Variants in KCNIP1 observed in about 807,000 individuals in gnomAD.
KCNIP1 encodes the protein A-type potassium channel modulatory protein KCNIP1.
In KCNIP1, 18 loss-of-function variants were observed where a neutral mutation model predicts 33.0. The observed-to-expected ratio is 0.55, with a 90% CI of 0.38 to 0.81. KCNIP1 has a LOEUF of 0.81. Among genes scored for constraint, KCNIP1 ranks in the 30% least tolerant of loss-of-function variants. The probability of loss-of-function intolerance (pLI) is 0.00; values close to 1 mark genes in which losing one functional copy is unlikely to be tolerated. For missense variants in KCNIP1, 238 were observed against 271.6 expected, an observed-to-expected ratio of 0.88 and a Z score of 0.87; for synonymous variants, 93 against 98.3, an observed-to-expected ratio of 0.95 and a Z score of 0.32.
chr5:170,725,722 T>C (rs914413336), intron 5 of KCNIP1, among the ~76,000 whole-genome samples: 1 of 152,216 alleles, frequency 6.6e-6, no homozygotes, highest in African/African-American at 2.4e-5. Context: ...CCATTTTTCA[T>C]GATGTGGTTA....
intron 1 of KCNIP1, among the ~76,000 whole-genome samples, chr5:170,609,999 G>A (rs372798165): frequency 7.9e-5 from 12 of 152,282 alleles, no homozygotes; most frequent in East Asian, 5.8e-4. Flanking sequence ...TGCTGGGGTG[G>A]GTCCTAATTT....
At chr5:170,503,219 G>A (rs141246748), upstream of KCNIP1, among the ~76,000 whole-genome samples, 614 of 151,936 alleles carry the variant, frequency 4.0e-3, 9 homozygotes, top group South Asian at 0.047. Context: ...GCGAAACCCC[G>A]TCTCTATTAA....
intron 1 of KCNIP1, among the ~76,000 whole-genome samples, chr5:170,653,632 C>G (rs768035369): frequency 6.6e-6 from 1 of 152,034 alleles, no homozygotes; most frequent in Non-Finnish European, 1.5e-5. Context: ...GAGGGCCTCA[C>G]GTGGAACCAG....
chr5:170,383,443 G>A, intron 1 of KCNIP1: 1 of 612,160 alleles, frequency 1.6e-6, no homozygotes. Context: ...TGGAAACTGA[G>A]GAGGTGAGAG....
At chr5:170,721,951 C>T (rs1435872382) in intron 4 of KCNIP1, 48 bp downstream of exon 4, 3 of 1,603,788 alleles carry the variant, frequency 1.9e-6, no homozygotes, top group African/African-American at 1.3e-5. Flanking sequence ...TTCTGCATCA[C>T]CTCCCCCTCT....
At chr5:170,366,849 A>G (rs977172108) in intron 1 of KCNIP1, among the ~76,000 whole-genome samples, 31 of 152,202 alleles carry the variant, frequency 2.0e-4, no homozygotes, top group African/African-American at 7.2e-4. Context: ...AGCCCAAGCA[A>G]GACCCCTCGC....
chr5:170,357,775 C>T (rs1763386995), intron 1 of KCNIP1, among the ~76,000 whole-genome samples: 1 of 152,196 alleles, frequency 6.6e-6, no homozygotes, highest in African/African-American at 2.4e-5. Flanking sequence ...GACCCTCCTG[C>T]CTTGGGCTCC....
chr5:170,725,430 A>G (rs1163780456), intron 5 of KCNIP1, among the ~76,000 whole-genome samples: 1 of 152,170 alleles, frequency 6.6e-6, no homozygotes, highest in South Asian at 2.1e-4. Flanking sequence ...CAGAAAGACA[A>G]ACATCCCATG....
At chr5:170,481,393 CCTGCTGCTG>C (rs145931479) in intron 1 of KCNIP1, among the ~76,000 whole-genome samples, 3 of 150,980 alleles carry the variant, frequency 2.0e-5, no homozygotes, top group East Asian at 1.9e-4. Context: ...TAGTACTACT[CCTGCTGCTG>C]CTGCTGCTGC....
intron 1 of KCNIP1, among the ~76,000 whole-genome samples, chr5:170,618,912 T>C (rs1413795878): frequency 6.6e-6 from 1 of 152,200 alleles, no homozygotes; most frequent in Non-Finnish European, 1.5e-5. Context: ...TACTGAGCTC[T>C]ATATGGAGAG....
intron 1 of KCNIP1, among the ~76,000 whole-genome samples, chr5:170,704,777 T>C (rs889848964): frequency 2.0e-5 from 3 of 152,230 alleles, no homozygotes; most frequent in Non-Finnish European, 4.4e-5. Context: ...CTTCTTTTTA[T>C]TTAAAATAGA....
At chr5:170,393,005 T>C (rs1258252579) in intron 1 of KCNIP1, among the ~76,000 whole-genome samples, 1 of 152,138 alleles carries the variant, frequency 6.6e-6, no homozygotes, top group Non-Finnish European at 1.5e-5. Flanking sequence ...TGGACATTCC[T>C]CTCCACAATC....
rs1433319235 is a variant in KCNIP1 at position 170,598,894 on chromosome 5, T to TGTGTGC, written c.61+94266_61+94267insCGTGTG. ...TGCTCGTTCCCATAGCCCCGCTGTGTGTGTGTGCGCGTGTGTGTGTGTGTG... is the reference window on the plus strand; with the variant it reads ...TGCTCGTTCCCATAGCCCCGCTGTGTGTGTGCGTGTGTGCGCGTGTGTGTGTGTGTG... On this transcript the variant is annotated intron_variant, in intron 1 of 7. Coordinates refer to ENST00000328939, the MANE Select transcript of KCNIP1 (RefSeq NM_014592.4). 8.2e-4 allele frequency among the ~76,000 whole-genome samples: 106 copies of TGTGTGC among 128,950 alleles called. 1 individual carries two copies. In the East Asian group the frequency reaches 0.015, roughly 18 times the overall value. 84.6% of individuals were successfully genotyped at this position (128,950 alleles called of 152,430 possible).
chr5:170,729,228 T>G (rs536178633), intron 5 of KCNIP1, among the ~76,000 whole-genome samples: 3 of 152,188 alleles, frequency 2.0e-5, no homozygotes, highest in African/African-American at 7.2e-5. Context: ...TTAGAAACAA[T>G]TTTTTAAATT....
At chr5:170,720,416 T>C (rs1048249445) in intron 3 of KCNIP1, 26 bp downstream of exon 3, 2 of 1,563,058 alleles carry the variant, frequency 1.3e-6, no homozygotes, top group Admixed American at 3.3e-5. Flanking sequence ...AAATCTATCT[T>C]GCCCAGCTCC....
At position 170,504,504 on chromosome 5, in the gene KCNIP1, G is replaced by A. The variant is rs1754626783; in HGVS notation, c.-69G>A. The A allele has an allele frequency of 1.2e-6, 2 of 1,605,620 alleles. No homozygotes were observed. The highest frequency in any genetic ancestry group is 3.4e-5 in the Admixed American group (2 of 59,480). ...TCCAATTCAGAGTAGACAAACCACG[G>A]GGATTTCTTTCCAGGGTAGGGGAGG... On this transcript the variant is annotated 5_prime_UTR_variant, in exon 1 of 8. Transcript: ENST00000328939. The surrounding 1 kb of genome is among the most constrained non-coding windows in gnomAD (Gnocchi z 6.0).
intron 1 of KCNIP1, among the ~76,000 whole-genome samples, chr5:170,450,406 C>T (rs1057285560): frequency 3.9e-5 from 6 of 152,164 alleles, no homozygotes; most frequent in Non-Finnish European, 5.9e-5. Flanking sequence ...TGTTCAGTTC[C>T]GCCACCCACC....
intron 1 of KCNIP1, among the ~76,000 whole-genome samples, chr5:170,477,396 A>C (rs1242932092): frequency 6.6e-6 from 1 of 151,700 alleles, no homozygotes; most frequent in Non-Finnish European, 1.5e-5. Context: ...CTGCCCTCTA[A>C]AGGTGTTTAT....
At chr5:170,715,892 A>G (rs961245282) in intron 1 of KCNIP1, among the ~76,000 whole-genome samples, 1 of 152,216 alleles carries the variant, frequency 6.6e-6, no homozygotes, top group African/African-American at 2.4e-5. Flanking sequence ...GGAACTGTCA[A>G]GGAGGCTCCC....
Sources: allele counts gnomAD v4.1 joint callset (sites outside exome capture counted in the v4.1 genomes callset), GRCh38; gene constraint gnomAD v4.1.1; non-coding constraint Gnocchi (gnomAD v3.1); transcripts MANE v1.5; gene names NCBI Gene and HGNC (gene_info 2026-07-23, HGNC 2026-07-21).